Variants in NBEAL1 observed in about 807,000 individuals in gnomAD.
NBEAL1 encodes the protein neurobeachin like 1.
A neutral mutation model predicts 351.3 loss-of-function variants in NBEAL1; 273 were observed. The observed-to-expected ratio is 0.78, with a 90% CI of 0.70 to 0.86. NBEAL1 has a LOEUF of 0.86. Among genes scored for constraint, NBEAL1 ranks in the 40% least tolerant of loss-of-function variants. The pLI is 0.00. For missense variants in NBEAL1, 2,961 were observed against 3,201.3 expected, an observed-to-expected ratio of 0.92 and a Z score of 1.81; for synonymous variants, 1,050 against 1,086.4, an observed-to-expected ratio of 0.97 and a Z score of 0.66.
rs1412898097 is a variant in NBEAL1 at position 203,219,401 on chromosome 2, ATGT to A, written c.*2049_*2051del. 6.6e-6 allele frequency: 1 copy of A among 152,044 alleles called. No homozygotes were observed. The highest frequency in any genetic ancestry group is 1.5e-5 in the Non-Finnish European group (1 of 68,018). The allele number at this position is 152,044 out of a possible 1,614,324, so 9.4% of individuals were successfully genotyped here. On this transcript the variant is annotated 3_prime_UTR_variant, in exon 56 of 56. Coordinates refer to ENST00000683969, the MANE Select transcript of NBEAL1 (RefSeq NM_001378026.1). ...ATTAGAAAAAATGCCTAAGTTTATG[ATGT>A]TTTACTATGCTGCTTTTTAGATGGA...
intron 51 of NBEAL1, among the ~76,000 whole-genome samples, chr2:203,204,544 C>T (rs550069093): frequency 6.6e-6 from 1 of 151,602 alleles, no homozygotes; most frequent in South Asian, 2.1e-4. Flanking sequence ...TGCCATGTTA[C>T]CCAGGCTGGT....
At chr2:203,084,634 C>A in intron 10 of NBEAL1, 65 bp downstream of exon 10, 1 of 833,028 alleles carries the variant, frequency 1.2e-6, no homozygotes. Flanking sequence ...TGTTTTGATT[C>A]ACATTTGAAC....
intron 9 of NBEAL1, 56 bp from the exon 10 acceptor site, chr2:203,084,403 ATGTT>A: frequency 1.3e-6 from 1 of 794,408 alleles, no homozygotes; most frequent in Non-Finnish European, 1.9e-6. Context: ...ATTAGAGTAA[ATGTT>A]TGTATGATCC....
intron 25 of NBEAL1, among the ~76,000 whole-genome samples, chr2:203,130,818 A>G (rs2063055531): frequency 6.6e-6 from 1 of 152,190 alleles, no homozygotes; most frequent in Non-Finnish European, 1.5e-5. Flanking sequence ...ATATGTCAGG[A>G]ACTAAGTACT....
chr2:203,211,052 A>G lies in NBEAL1; in HGVS notation c.7880A>G (p.Glu2627Gly), dbSNP rs2065775199. 2 of 1,607,974 alleles carry G rather than the reference A, an allele frequency of 1.2e-6. No homozygotes were observed. Among genetic ancestry groups the G allele is most frequent in the African/African-American group, 2.7e-5 (2 of 74,788 alleles). Residue 2627 changes from glutamate to glycine, a missense_variant, in exon 54 of 56, where the codon GAA becomes GGA. Transcript: ENST00000683969. ...GTATCAGATATATGTATAATCGGAG[A>G]ACACATTGTCACAGGCAGCATACAA... The part of the protein sequence containing the change: ...EQVSDICIIG[E>G]HIVTGSIQGF...
chr2:203,180,095 T>A (rs1325784073), intron 42 of NBEAL1, among the ~76,000 whole-genome samples: 1 of 152,198 alleles, frequency 6.6e-6, no homozygotes, highest in Non-Finnish European at 1.5e-5. Flanking sequence ...CTTAAGATTA[T>A]ATTTAATTTA....
intron 6 of NBEAL1, 88 bp downstream of exon 6, chr2:203,057,541 A>G (rs1338497363): frequency 8.8e-7 from 1 of 1,134,354 alleles, no homozygotes; most frequent in Non-Finnish European, 1.2e-6. Context: ...TATGAAAGCA[A>G]TTGGAAAGAA....
chr2:203,137,786 C>G (rs1441272553), intron 29 of NBEAL1, among the ~76,000 whole-genome samples: 1 of 151,900 alleles, frequency 6.6e-6, no homozygotes, highest in Non-Finnish European at 1.5e-5. Context: ...GAGTTCAAGA[C>G]CAGCCTATCC....
In NBEAL1 at chr2:203,144,758, T is replaced by C. The variant is rs1394934849; in HGVS notation, c.5007T>C (p.Val1669=). Residue 1669 remains valine (V), a synonymous_variant, in exon 32 of 56, where the codon GTT becomes GTC. Coordinates refer to ENST00000683969, the MANE Select transcript of NBEAL1 (RefSeq NM_001378026.1). ...TCTACTCATTTCTGATTCCCCTTGT[T>C]CGTACCCTGGTTTCCAAAATTTATG... ...TEIYSFLIPL[V]RTLVSKIYEL... is the part of the protein sequence containing the mutation. 1.9e-6 allele frequency: 3 copies of C among 1,614,052 alleles called. No individual in the cohort carries two copies. Among genetic ancestry groups the C allele is most frequent in the Non-Finnish European group, 1.7e-6 (2 of 1,180,014 alleles).
chr2:203,207,354 G>A (rs1470703644), intron 51 of NBEAL1, among the ~76,000 whole-genome samples: 2 of 151,434 alleles, frequency 1.3e-5, no homozygotes, highest in African/African-American at 2.4e-5. Flanking sequence ...CTGCCCGGCC[G>A]CCCCTACTGG....
Position 203,138,760 on chromosome 2 carries a change from C to A in NBEAL1, c.4848+12C>A. 1 of 1,600,772 alleles carries A rather than the reference C, an allele frequency of 6.2e-7. No homozygotes were observed. Among genetic ancestry groups the A allele is most frequent in the East Asian group, 2.2e-5 (1 of 44,564 alleles). On this transcript the variant is annotated intron_variant, in intron 31 of 55. Transcript: ENST00000683969. ...GGGGTAATTTGCAGGTTTGTCCATT[C>A]TTTTATATTATTTTCTGTGCTTGCA...
chr2:203,016,256 T>C lies in NBEAL1; in HGVS notation c.-129T>C, dbSNP rs2060678835. The C allele has an allele frequency of 1.9e-6, 1 of 527,468 alleles. No individual in the cohort carries two copies. The highest frequency in any genetic ancestry group is 3.1e-6 in the Non-Finnish European group (1 of 317,840). 32.7% of individuals were successfully genotyped at this position (527,468 alleles called of 1,614,324 possible). A position where few individuals can be genotyped will look rare whatever the true frequency, so the allele number is the denominator to read the frequency against. On this transcript the variant is annotated 5_prime_UTR_variant, in exon 2 of 56. Transcript: ENST00000683969. ...CAGAGGACAGTCCATTTGTTTCACT[T>C]CTTTTTGCTTTCTTTACTGCTATGA...
intron 43 of NBEAL1, among the ~76,000 whole-genome samples, chr2:203,180,759 G>A (rs1559043231): frequency 6.6e-6 from 1 of 151,818 alleles, no homozygotes; most frequent in Admixed American, 6.6e-5. Context: ...GTTTACTAGG[G>A]AAGCAAAAAT....
chr2:203,188,735 C>CT (rs985050189), intron 45 of NBEAL1, 146 bp downstream of exon 45: 18 of 537,326 alleles, frequency 3.3e-5, no homozygotes, highest in Non-Finnish European at 5.3e-5. Flanking sequence ...GAGACTGCTG[C>CT]TTTTTTTGTA....
At chr2:203,195,618 A>T (rs552619462) in intron 47 of NBEAL1, among the ~76,000 whole-genome samples, 1 of 152,216 alleles carries the variant, frequency 6.6e-6, no homozygotes, top group Non-Finnish European at 1.5e-5. Context: ...CAGTGAAAGG[A>T]TACAAAGCAA....
At chr2:203,165,206 C>T (rs2064097511) in intron 36 of NBEAL1, among the ~76,000 whole-genome samples, 1 of 152,068 alleles carries the variant, frequency 6.6e-6, no homozygotes, top group African/African-American at 2.4e-5. Context: ...ACCTAGGCCA[C>T]CAAAAGACTG....
intron 45 of NBEAL1, among the ~76,000 whole-genome samples, chr2:203,189,019 A>G (rs11675464): frequency 0.44 from 66,537 of 152,100 alleles, 16,871 homozygotes; most frequent in Middle Eastern, 0.66. Flanking sequence ...ACTAATCCTT[A>G]AGAAGACTAA....
At chr2:203,192,551 A>G (rs944791411) in intron 46 of NBEAL1, among the ~76,000 whole-genome samples, 2 of 151,680 alleles carry the variant, frequency 1.3e-5, no homozygotes, top group Non-Finnish European at 2.9e-5. Flanking sequence ...CACCTGGCTA[A>G]TTTTTTGTAT....
intron 6 of NBEAL1, 25 bp from the exon 7 acceptor site, chr2:203,068,368 A>C (rs2061628178): frequency 7.7e-7 from 1 of 1,303,476 alleles, no homozygotes. Flanking sequence ...GTTGTAACTT[A>C]TTATTAACTT....
Sources: allele counts gnomAD v4.1 joint callset (sites outside exome capture counted in the v4.1 genomes callset), GRCh38; gene constraint gnomAD v4.1.1; transcripts MANE v1.5; gene names NCBI Gene and HGNC (gene_info 2026-07-23, HGNC 2026-07-21).